Variants in PCDH17 observed in about 807,000 individuals in gnomAD.
PCDH17 encodes the protein protocadherin 17.
Under a neutral mutation model 67.7 loss-of-function variants are expected in PCDH17, and 21 were observed. The observed-to-expected ratio is 0.31, with a 90% CI of 0.22 to 0.45. The LOEUF is 0.45. Among genes scored for constraint, PCDH17 ranks in the 20% least tolerant of loss-of-function variants. PCDH17 has a pLI of 1.00. For synonymous variants in PCDH17, 701 were observed against 656.7 expected (o/e 1.07, Z -1.03); for missense variants, 1,471 against 1,564.8 (o/e 0.94, Z 1.01).
intron 3 of PCDH17, among the ~76,000 whole-genome samples, chr13:57,705,148 ATG>A (rs2138081048): frequency 6.6e-6 from 1 of 152,104 alleles, no homozygotes; most frequent in Non-Finnish European, 1.5e-5. Context: ...GAAACAAAAT[ATG>A]TGCATTTGTA....
chr13:57,703,606 A>G (rs1955689229), intron 3 of PCDH17, among the ~76,000 whole-genome samples: 1 of 152,138 alleles, frequency 6.6e-6, no homozygotes. Context: ...ACTCAAATTA[A>G]TTAGCCTGAG....
At chr13:57,639,792 G>A (rs1252318207) in intron 1 of PCDH17, among the ~76,000 whole-genome samples, 3 of 151,906 alleles carry the variant, frequency 2.0e-5, no homozygotes, top group Non-Finnish European at 2.9e-5. Flanking sequence ...ATTTAAGGCT[G>A]TGTGTGATCA....
intron 1 of PCDH17, among the ~76,000 whole-genome samples, chr13:57,638,522 A>G (rs1037534448): frequency 1.7e-4 from 26 of 152,190 alleles, no homozygotes; most frequent in Admixed American, 1.1e-3. Context: ...AGCCAGCAGA[A>G]TAAGATCTAC....
chr13:57,690,037 C>A (rs1436163421), intron 3 of PCDH17, among the ~76,000 whole-genome samples: 1 of 151,588 alleles, frequency 6.6e-6, no homozygotes, highest in Non-Finnish European at 1.5e-5. Flanking sequence ...ACAATGACTC[C>A]ATAGGAAGTT....
Position 57,707,258 on chromosome 13 carries a change from G to A in PCDH17, c.2798-17354G>A, listed in dbSNP as rs947267669. Among the ~76,000 whole-genome samples, 9 of 151,914 alleles carry A rather than the reference G, an allele frequency of 5.9e-5. No homozygotes were observed. The South Asian group carries it at 8.3e-4, about 14-fold the overall frequency. Reference sequence around the variant, plus strand: ...AGTGTCCAAAAACATTTCCATTTGAGACCATTTGCATTTATGACTATATAT... The same window carrying A: ...AGTGTCCAAAAACATTTCCATTTGAAACCATTTGCATTTATGACTATATAT... On this transcript the variant is annotated intron_variant, in intron 3 of 3. Coordinates refer to ENST00000377918, the MANE Select transcript of PCDH17 (RefSeq NM_001040429.3).
chr13:57,701,338 C>T (rs542090340), intron 3 of PCDH17, among the ~76,000 whole-genome samples: 29 of 152,070 alleles, frequency 1.9e-4, no homozygotes, highest in South Asian at 6.2e-4. Context: ...GGGAAAATAA[C>T]GTGTACGGTA....
intron 1 of PCDH17, among the ~76,000 whole-genome samples, chr13:57,644,489 C>G (rs1422130575): frequency 6.6e-6 from 1 of 151,290 alleles, no homozygotes. Flanking sequence ...TTCCCCATCT[C>G]AAAACTCAAT....
At position 57,634,870 on chromosome 13, in the gene PCDH17, A is replaced by G; in HGVS notation, c.2324A>G (p.Glu775Gly). 6.2e-7 allele frequency: 1 copy of G among 1,614,102 alleles called. No homozygotes were observed. The highest frequency in any genetic ancestry group is 8.5e-7 in the Non-Finnish European group (1 of 1,180,010). ...NDIMLVQSEV[E>G]ERNAMNVMNV... ...ATCATGCTGGTGCAGAGCGAAGTGGAGGAGAGGAACGCCATGAACGTCATG... is the reference window on the plus strand; with the variant it reads ...ATCATGCTGGTGCAGAGCGAAGTGGGGGAGAGGAACGCCATGAACGTCATG... The change falls in exon 1 of 4, where the codon GAG becomes GGG. Residue 775 changes from glutamate (E) to glycine (G), a missense_variant. This residue lies in a region of PCDH17 where 1,163 missense variants were observed against 1,230.0 expected (regional missense o/e 0.95). Coordinates refer to ENST00000377918, the MANE Select transcript of PCDH17 (RefSeq NM_001040429.3). The surrounding 1 kb of genome is among the most constrained non-coding windows in gnomAD (Gnocchi z 7.8).
At chr13:57,672,390 G>C (rs1484148304) in intron 3 of PCDH17, among the ~76,000 whole-genome samples, 2 of 151,920 alleles carry the variant, frequency 1.3e-5, no homozygotes, top group Non-Finnish European at 2.9e-5. Flanking sequence ...TAAGGGTGGG[G>C]GAGGCTCTGA....
intron 3 of PCDH17, among the ~76,000 whole-genome samples, chr13:57,674,123 A>T (rs1006684374): frequency 6.6e-6 from 1 of 151,890 alleles, no homozygotes; most frequent in South Asian, 2.1e-4. Flanking sequence ...GTGTTGCATG[A>T]TTTACTACGG....
chr13:57,691,296 T>G (rs1955556024), intron 3 of PCDH17, among the ~76,000 whole-genome samples: 1 of 151,358 alleles, frequency 6.6e-6, no homozygotes, highest in African/African-American at 2.4e-5. Context: ...AAATATTTAG[T>G]AGGATGATCA....
At chr13:57,712,347 T>C (rs1357162791) in intron 3 of PCDH17, among the ~76,000 whole-genome samples, 2 of 151,700 alleles carry the variant, frequency 1.3e-5, no homozygotes, top group African/African-American at 4.8e-5. Context: ...ATGTGTCCAA[T>C]AGAAGTGTCC....
At chr13:57,671,020 T>C (rs1415518931) in intron 3 of PCDH17, among the ~76,000 whole-genome samples, 3 of 151,930 alleles carry the variant, frequency 2.0e-5, no homozygotes, top group Non-Finnish European at 4.4e-5. Context: ...ATTTTTTCTT[T>C]TAGTGTGATG....
chr13:57,656,524 T>C (rs1230531351), intron 1 of PCDH17, among the ~76,000 whole-genome samples: 9 of 152,218 alleles, frequency 5.9e-5, no homozygotes, highest in Admixed American at 5.9e-4. Context: ...AGAAATGTAA[T>C]GAATTTTCAC....
At chr13:57,670,318 G>C (rs185500686) in intron 3 of PCDH17, among the ~76,000 whole-genome samples, 16 of 151,782 alleles carry the variant, frequency 1.1e-4, no homozygotes, top group Admixed American at 2.0e-4. Context: ...GATGAGAGAT[G>C]ATGACAGCCA....
chr13:57,647,418 G>T (rs1954977837), intron 1 of PCDH17, among the ~76,000 whole-genome samples: 3 of 151,232 alleles, frequency 2.0e-5, no homozygotes, highest in South Asian at 4.2e-4. Context: ...CTTTTCACAG[G>T]GTTACTTTAG....
chr13:57,704,749 A>G (rs1955703293), intron 3 of PCDH17, among the ~76,000 whole-genome samples: 1 of 152,212 alleles, frequency 6.6e-6, no homozygotes, highest in African/African-American at 2.4e-5. Context: ...ACAATATCAC[A>G]AAACGATGAG....
intron 3 of PCDH17, among the ~76,000 whole-genome samples, chr13:57,699,974 G>A (rs1172607009): frequency 1.3e-5 from 2 of 152,026 alleles, no homozygotes; most frequent in Non-Finnish European, 1.5e-5. Flanking sequence ...GATATCTTAT[G>A]TCATGGTTTA....
intron 1 of PCDH17, among the ~76,000 whole-genome samples, chr13:57,636,415 T>C (rs1001987310): frequency 6.6e-6 from 1 of 152,188 alleles, no homozygotes; most frequent in Non-Finnish European, 1.5e-5. Context: ...GGAGCAGTAA[T>C]ATTTCATAAT....
Sources: allele counts gnomAD v4.1 joint callset (sites outside exome capture counted in the v4.1 genomes callset), GRCh38; gene constraint gnomAD v4.1.1; regional missense constraint gnomAD v4.1.1; non-coding constraint Gnocchi (gnomAD v3.1); transcripts MANE v1.5; gene names NCBI Gene and HGNC (gene_info 2026-07-23, HGNC 2026-07-21).